Variants in GRIK4 observed in about 807,000 individuals in gnomAD.
GRIK4 encodes glutamate ionotropic receptor kainate type subunit 4, also known as glutamate receptor ionotropic, kainate 4.
GRIK4 carries 40 observed loss-of-function variants against 104.9 expected under a neutral mutation model. The observed-to-expected ratio is 0.38, with a 90% CI of 0.30 to 0.50. The LOEUF is 0.50. Among genes scored for constraint, GRIK4 ranks in the 20% least tolerant of loss-of-function variants. GRIK4 has a pLI of 0.93. For synonymous variants in GRIK4, 485 were observed against 524.9 expected, an observed-to-expected ratio of 0.92 and a Z score of 1.04; for missense variants, 1,047 against 1,308.1, an observed-to-expected ratio of 0.80 and a Z score of 3.08.
chr11:120,964,228 G>C (rs2134741160), intron 18 of GRIK4, among the ~76,000 whole-genome samples: 1 of 152,146 alleles, frequency 6.6e-6, no homozygotes, highest in African/African-American at 2.4e-5. Flanking sequence ...CTGACCTCAG[G>C]TGATCCACCC....
intron 1 of GRIK4, among the ~76,000 whole-genome samples, chr11:120,646,845 A>T (rs554424047): frequency 5.3e-5 from 8 of 152,330 alleles, no homozygotes; most frequent in East Asian, 1.9e-4. Flanking sequence ...TTCTCACTGC[A>T]TGTTATCAAA....
At chr11:120,636,060 A>G (rs1363751434) in intron 1 of GRIK4, among the ~76,000 whole-genome samples, 2 of 152,134 alleles carry the variant, frequency 1.3e-5, no homozygotes, top group African/African-American at 4.8e-5. Flanking sequence ...TCCTTCGTTC[A>G]ACGTTTCTGT....
At chr11:120,947,345 T>G (rs1371316174) in intron 14 of GRIK4, among the ~76,000 whole-genome samples, 1 of 149,926 alleles carries the variant, frequency 6.7e-6, no homozygotes, top group Non-Finnish European at 1.5e-5. Flanking sequence ...GAGGTTGTAG[T>G]GAGCCGAGAT....
intron 3 of GRIK4, among the ~76,000 whole-genome samples, chr11:120,754,244 C>A (rs1951614153): frequency 1.3e-5 from 2 of 152,068 alleles, no homozygotes; most frequent in African/African-American, 4.8e-5. Context: ...GAACTCTTGA[C>A]CTCATCATCT....
chr11:120,904,496 C>T (rs1942821268), intron 12 of GRIK4, among the ~76,000 whole-genome samples: 1 of 152,248 alleles, frequency 6.6e-6, no homozygotes, highest in Non-Finnish European at 1.5e-5. Flanking sequence ...CTGGATGCTT[C>T]CTCTCCTACT....
intron 11 of GRIK4, among the ~76,000 whole-genome samples, chr11:120,881,118 AG>A: frequency 6.6e-6 from 1 of 152,232 alleles, no homozygotes; most frequent in African/African-American, 2.4e-5. Flanking sequence ...TTAAAACACA[AG>A]GCCCAGATTG....
At chr11:120,790,227 T>G (rs540282208) in intron 3 of GRIK4, among the ~76,000 whole-genome samples, 33 of 152,334 alleles carry the variant, frequency 2.2e-4, no homozygotes, top group Non-Finnish European at 4.3e-4. Flanking sequence ...ACATAGTGCC[T>G]TGCTTAAGAT....
At chr11:120,520,265 G>A (rs972322716) in intron 1 of GRIK4, among the ~76,000 whole-genome samples, 7 of 152,262 alleles carry the variant, frequency 4.6e-5, no homozygotes, top group African/African-American at 1.7e-4. Flanking sequence ...TTCCAGAACC[G>A]GCACCCTCAA....
intron 3 of GRIK4, among the ~76,000 whole-genome samples, chr11:120,740,524 A>C (rs1408398003): frequency 2.0e-5 from 3 of 151,986 alleles, no homozygotes; most frequent in Non-Finnish European, 2.9e-5. Flanking sequence ...CTCATCATGC[A>C]CTCCACCCAT....
At chr11:120,649,241 G>T (rs1949585416) in intron 1 of GRIK4, among the ~76,000 whole-genome samples, 1 of 152,040 alleles carries the variant, frequency 6.6e-6, no homozygotes, top group Non-Finnish European at 1.5e-5. Context: ...CTGATTCTGG[G>T]TTTCTCCAAG....
At chr11:120,958,586 A>G (rs900949483) in intron 16 of GRIK4, among the ~76,000 whole-genome samples, 8 of 152,228 alleles carry the variant, frequency 5.3e-5, no homozygotes, top group African/African-American at 1.7e-4. Context: ...GTCGCTGGAG[A>G]GAATGCCAGT....
intron 15 of GRIK4, among the ~76,000 whole-genome samples, chr11:120,955,541 G>A (rs957734274): frequency 1.2e-4 from 18 of 152,296 alleles, no homozygotes; most frequent in Admixed American, 2.6e-4. Context: ...AAGATGGGCC[G>A]GGGCTGCAAG....
In GRIK4 at chr11:120,682,004, T is replaced by G. The variant is rs113188536; in HGVS notation, c.82+21604T>G. On this transcript the variant is annotated intron_variant, in intron 3 of 20. Transcript: ENST00000527524. ...ATTTCCTTCATTGTGTTAATATCAC[T>G]GGGCAATAAAACTGCTGTTAAGGAT... Among the ~76,000 whole-genome samples the G allele has an allele frequency of 3.5e-3, 539 of 152,290 alleles. 2 individuals carry two copies. Among genetic ancestry groups the G allele is most frequent in the African/African-American group, 0.012 (515 of 41,550 alleles).
intron 4 of GRIK4, among the ~76,000 whole-genome samples, chr11:120,810,409 G>C: frequency 6.6e-6 from 1 of 152,228 alleles, no homozygotes; most frequent in East Asian, 1.9e-4. Flanking sequence ...AAGCTGCGCT[G>C]TCTCCTAAAG....
chr11:120,786,937 A>G (rs1952291664), intron 3 of GRIK4, among the ~76,000 whole-genome samples: 2 of 152,252 alleles, frequency 1.3e-5, no homozygotes, highest in Admixed American at 6.5e-5. Context: ...TGCTTTAAAT[A>G]TAAAATGCAC....
In GRIK4 at chr11:120,555,674, G is replaced by C. The variant is rs890118804; in HGVS notation, c.-159+43787G>C. Among the ~76,000 whole-genome samples the C allele has an allele frequency of 6.6e-6, 1 of 152,164 alleles. No homozygotes were observed. The highest frequency in any genetic ancestry group is 1.5e-5 in the Non-Finnish European group (1 of 68,018). ...GGTGGTGAGGTGGAGGAGGGGCAGA[G>C]GGGAGGTCTGCCCTCCTTCTGCCCA... is the stretch of plus-strand genomic sequence containing the variant. On this transcript the variant is annotated intron_variant, in intron 1 of 20. Transcript: ENST00000527524. This position sits in a 1 kb window ranked among gnomAD's most constrained non-coding sequence, Gnocchi z 5.3.
chr11:120,878,887 C>T (rs1398323123), intron 11 of GRIK4, among the ~76,000 whole-genome samples: 13 of 152,262 alleles, frequency 8.5e-5, no homozygotes, highest in Middle Eastern at 3.4e-3. Context: ...AATATCTCTG[C>T]GCAAATATTC....
intron 1 of GRIK4, among the ~76,000 whole-genome samples, chr11:120,609,337 C>T (rs1049593321): frequency 6.6e-6 from 1 of 151,624 alleles, no homozygotes; most frequent in Non-Finnish European, 1.5e-5. Context: ...AGGGTGACCT[C>T]AAACTCCTGG....
In GRIK4 at chr11:120,952,802, G is replaced by T; in HGVS notation, c.1591-53G>T. ...CTCTACCCCGCCCTGCCTGCCCCAA[G>T]GTCATGTTGACTGAATATGTGCGGT... On this transcript the variant is annotated intron_variant, in intron 14 of 20. Transcript: ENST00000527524. The surrounding 1 kb of genome is among the most constrained non-coding windows in gnomAD (Gnocchi z 5.2). The T allele has an allele frequency of 1.6e-6, 2 of 1,263,214 alleles. No individual in the cohort carries two copies. The highest frequency in any genetic ancestry group is 2.3e-6 in the Non-Finnish European group (2 of 859,428). The allele number at this position is 1,263,214 out of a possible 1,614,324, so 78.3% of individuals were successfully genotyped here.
Sources: allele counts gnomAD v4.1 joint callset (sites outside exome capture counted in the v4.1 genomes callset), GRCh38; gene constraint gnomAD v4.1.1; non-coding constraint Gnocchi (gnomAD v3.1); transcripts MANE v1.5; gene names NCBI Gene and HGNC (gene_info 2026-07-23, HGNC 2026-07-21).